The following FBP1 variants were observed in gnomAD, a reference collection of about 807,000 sequenced individuals.
The protein encoded by FBP1 is fructose-1,6-bisphosphatase 1.
In FBP1, 22 loss-of-function variants were observed where a neutral mutation model predicts 29.9. That is an observed-to-expected ratio of 0.74 (90% CI 0.53 to 1.05). The LOEUF (loss-of-function observed/expected upper bound fraction) is 1.05, where lower values mean the gene tolerates loss of function less well. Ranked by LOEUF, FBP1 falls within the 50% of genes least tolerant of loss-of-function variation. The pLI, the probability that FBP1 is intolerant of heterozygous loss-of-function variation, is 0.00. For synonymous variants in FBP1, 175 were observed against 178.6 expected (o/e 0.98, Z 0.16); for missense variants, 345 against 448.2 (o/e 0.77, Z 2.08).
Position 94,605,438 on chromosome 9 carries a change from C to T in FBP1, c.825+19G>A. 2 of 1,612,448 alleles carry T rather than the reference C, an allele frequency of 1.2e-6. No individual in the cohort carries two copies. The highest frequency in any genetic ancestry group is 1.7e-6 in the Non-Finnish European group (2 of 1,179,546). Reference sequence around the variant, plus strand: ...AAGTGAAATCTGCTCCTCACTCCCTCTCCAGGGGACACCCTTACCTTTCCA... The same window carrying T: ...AAGTGAAATCTGCTCCTCACTCCCTTTCCAGGGGACACCCTTACCTTTCCA... On this transcript the variant is annotated intron_variant, in intron 6 of 6. Coordinates refer to ENST00000375326, the MANE Select transcript of FBP1 (RefSeq NM_000507.4).
At chr9:94,638,015 G>A (rs1186705521) in intron 1 of FBP1, among the ~76,000 whole-genome samples, 1 of 150,914 alleles carries the variant, frequency 6.6e-6, no homozygotes, top group Non-Finnish European at 1.5e-5. Flanking sequence ...GAACCTGGGA[G>A]GCAGAGGTTG....
chr9:94,607,379 C>T (rs968699827), intron 4 of FBP1, among the ~76,000 whole-genome samples: 3 of 152,154 alleles, frequency 2.0e-5, no homozygotes, highest in Non-Finnish European at 4.4e-5. Context: ...GACGGGCCAC[C>T]GCAGGATCAG....
At chr9:94,632,380 A>G (rs533918628) in intron 1 of FBP1, among the ~76,000 whole-genome samples, 2 of 152,314 alleles carry the variant, frequency 1.3e-5, no homozygotes, top group East Asian at 3.9e-4. Context: ...AAAAATGAAA[A>G]TAAAATAGAC....
chr9:94,614,296 T>C (rs1827831334), intron 3 of FBP1, among the ~76,000 whole-genome samples: 2 of 151,184 alleles, frequency 1.3e-5, no homozygotes. Flanking sequence ...ATTCCAGCAC[T>C]TTGGGAGGCC....
At chr9:94,605,682 A>G in intron 5 of FBP1, 106 bp from the exon 6 acceptor site, 1 of 1,117,006 alleles carries the variant, frequency 9.0e-7, no homozygotes, top group East Asian at 2.5e-5. Context: ...CCGAGCACCT[A>G]CAAGGTATGT....
intron 1 of FBP1, among the ~76,000 whole-genome samples, chr9:94,623,017 CTCTGTTG>C (rs1287260761): frequency 2.2e-4 from 33 of 151,340 alleles, no homozygotes; most frequent in African/African-American, 7.6e-4. Context: ...GACAGTGTCA[CTCTGTTG>C]TCCAGGCTGG....
chr9:94,614,907 AATTT>A (rs1287974207), intron 3 of FBP1, among the ~76,000 whole-genome samples: 4 of 151,936 alleles, frequency 2.6e-5, no homozygotes, highest in Admixed American at 1.3e-4. Context: ...TTAATTAATT[AATTT>A]ATTTATTTAT....
chr9:94,631,548 T>C (rs1828104442), intron 1 of FBP1, among the ~76,000 whole-genome samples: 1 of 152,220 alleles, frequency 6.6e-6, no homozygotes, highest in African/African-American at 2.4e-5. Context: ...ACAGCATCTC[T>C]AAAACACTGA....
intron 1 of FBP1, among the ~76,000 whole-genome samples, chr9:94,638,785 G>C (rs1828236515): frequency 6.6e-6 from 1 of 152,236 alleles, no homozygotes; most frequent in South Asian, 2.1e-4. Flanking sequence ...TCCTGTCTGA[G>C]GCTAGGGCGG....
Position 94,620,303 on chromosome 9 carries a change from C to T in FBP1, c.333+26G>A, listed in dbSNP as rs113007303. The T allele has an allele frequency of 5.8e-5, 94 of 1,612,790 alleles. 3 individuals are homozygous for T. The African/African-American group carries it at 7.6e-4, about 13-fold the overall frequency. ...GGAAGAAGACCGGCTACATTAAAAC[C>T]CTCAATGGTGGAAGTACAGACCCAC... On this transcript the variant is annotated intron_variant, in intron 2 of 6. Coordinates refer to ENST00000375326, the MANE Select transcript of FBP1 (RefSeq NM_000507.4).
chr9:94,606,166 G>A (rs541345184), intron 5 of FBP1, among the ~76,000 whole-genome samples: 1 of 152,322 alleles, frequency 6.6e-6, no homozygotes, highest in South Asian at 2.1e-4. Context: ...TTCATCTCTA[G>A]CAAACAGCAG....
upstream of FBP1, chr9:94,640,194 C>T (rs961250134): frequency 6.6e-6 from 1 of 152,184 alleles, no homozygotes; most frequent in Admixed American, 6.5e-5. Context: ...CCTCGGCTAC[C>T]ACACAAAGGC....
At chr9:94,638,175 A>T (rs1280652973) in intron 1 of FBP1, among the ~76,000 whole-genome samples, 1 of 151,872 alleles carries the variant, frequency 6.6e-6, no homozygotes, top group Non-Finnish European at 1.5e-5. Context: ...AAAAAACCTC[A>T]CAAGAAGGGG....
At chr9:94,624,168 C>G (rs1307392986) in intron 1 of FBP1, among the ~76,000 whole-genome samples, 1 of 149,990 alleles carries the variant, frequency 6.7e-6, no homozygotes, top group Non-Finnish European at 1.5e-5. Flanking sequence ...GAAGCCCTCT[C>G]TCTACTAAAA....
At chr9:94,616,029 C>T (rs1056135714) in intron 3 of FBP1, among the ~76,000 whole-genome samples, 13 of 151,964 alleles carry the variant, frequency 8.6e-5, no homozygotes, top group African/African-American at 2.7e-4. Context: ...GGGGTTTCAC[C>T]GTGTTAGCCA....
chr9:94,629,075 G>A (rs574991765), intron 1 of FBP1, among the ~76,000 whole-genome samples: 5 of 152,186 alleles, frequency 3.3e-5, no homozygotes, highest in African/African-American at 7.2e-5. Context: ...TCCCCCTCCC[G>A]GGTTCAAGCG....
At chr9:94,609,836 A>G in intron 4 of FBP1, 85 bp downstream of exon 4, 4 of 1,487,256 alleles carry the variant, frequency 2.7e-6, no homozygotes, top group Non-Finnish European at 3.8e-6. Flanking sequence ...TCCCACCTCC[A>G]CATACCCCTG....
rs540771700 is a variant in FBP1 at position 94,633,097 on chromosome 9, C to T, written c.170+6044G>A. Among the ~76,000 whole-genome samples the T allele has an allele frequency of 7.2e-5, 11 of 152,190 alleles. No homozygotes were observed. The East Asian group carries it at 2.1e-3, about 29-fold the overall frequency. On this transcript the variant is annotated intron_variant, in intron 1 of 6. Transcript: ENST00000375326. ...CCTCCTTCCCCAGACTAAAAACCAG[C>T]TCCTCCTTGTTTTTGTTTTTGTGTT...
At chr9:94,633,320 G>A (rs928329259) in intron 1 of FBP1, among the ~76,000 whole-genome samples, 2 of 151,826 alleles carry the variant, frequency 1.3e-5, no homozygotes, top group Non-Finnish European at 2.9e-5. Flanking sequence ...CCTATCTTTC[G>A]CTCTTCCGAT....
Sources: allele counts gnomAD v4.1 joint callset (sites outside exome capture counted in the v4.1 genomes callset), GRCh38; gene constraint gnomAD v4.1.1; transcripts MANE v1.5; gene names NCBI Gene and HGNC (gene_info 2026-07-23, HGNC 2026-07-21).